KIF20A: variants seen among roughly 807,000 people sequenced by gnomAD.
KIF20A encodes the protein kinesin-like protein KIF20A.
Under a neutral mutation model 113.0 loss-of-function variants are expected in KIF20A, and 66 were observed. That is an observed-to-expected ratio of 0.58 (90% CI 0.48 to 0.72). KIF20A has a LOEUF of 0.72. Ranked by LOEUF, KIF20A falls within the 30% of genes least tolerant of loss-of-function variation. The pLI, the probability that KIF20A is intolerant of heterozygous loss-of-function variation, is 0.00. For synonymous variants in KIF20A, 376 were observed against 402.3 expected, an observed-to-expected ratio of 0.93 and a Z score of 0.78; for missense variants, 927 against 1,077.6, an observed-to-expected ratio of 0.86 and a Z score of 1.96.
In KIF20A at chr5:138,183,908, C is replaced by T; in HGVS notation, c.1209-54C>T. 1 of 1,610,408 alleles carries T rather than the reference C, an allele frequency of 6.2e-7. No homozygotes were observed. The highest frequency in any genetic ancestry group is 8.5e-7 in the Non-Finnish European group (1 of 1,177,570). On this transcript the variant is annotated intron_variant, in intron 10 of 18. Transcript: ENST00000394894. This position sits in a 1 kb window ranked among gnomAD's most constrained non-coding sequence, Gnocchi z 5.2. ...CCCTCTCCAGAATTATACAAAGGGCCAGAAGGCTCATAACATGTGAGGCCC... is the reference window on the plus strand; with the variant it reads ...CCCTCTCCAGAATTATACAAAGGGCTAGAAGGCTCATAACATGTGAGGCCC...
intron 11 of KIF20A, 53 bp downstream of exon 11, chr5:138,184,158 G>A: frequency 1.2e-6 from 2 of 1,612,004 alleles, no homozygotes; most frequent in Non-Finnish European, 1.7e-6. Context: ...GAGACTTCCT[G>A]GACACCACTG....
Position 138,184,386 on chromosome 5 carries a change from C to T in KIF20A, c.1500C>T (p.Phe500=). 6.2e-7 allele frequency: 1 copy of T among 1,614,216 alleles called. No homozygotes were observed. The highest frequency in any genetic ancestry group is 8.5e-7 in the Non-Finnish European group (1 of 1,180,036). ...TYDETLHVAK[F]SAIASQLVHA... ...ATGAAACTCTTCATGTGGCCAAGTT[C>T]TCAGCCATTGCTAGCCAGGTGAGAA... The change falls in exon 12 of 19, where the codon TTC becomes TTT. Residue 500 remains phenylalanine (F), a synonymous_variant. Coordinates refer to ENST00000394894, the MANE Select transcript of KIF20A (RefSeq NM_005733.3).
chr5:138,184,212 G>A, intron 11 of KIF20A, 27 bp from the exon 12 acceptor site: 1 of 1,613,180 alleles, frequency 6.2e-7, no homozygotes, highest in Non-Finnish European at 8.5e-7. Flanking sequence ...TCTGCTCACA[G>A]CTCTATTATC....
At chr5:138,185,321 C>T in intron 15 of KIF20A, 124 bp downstream of exon 15, 1 of 831,342 alleles carries the variant, frequency 1.2e-6, no homozygotes, top group South Asian at 1.6e-5. Context: ...TTTCTCTATT[C>T]CCCATAGTGC....
chr5:138,183,696 T>G lies in KIF20A; in HGVS notation c.1148T>G (p.Ile383Ser). The change falls in exon 10 of 19, where the codon ATC (isoleucine) becomes AGC (serine). Residue 383 changes from isoleucine to serine, a missense_variant. By Grantham distance (142) the Ile-to-Ser change is moderately radical. Coordinates refer to ENST00000394894, the MANE Select transcript of KIF20A (RefSeq NM_005733.3). The surrounding 1 kb of genome is among the most constrained non-coding windows in gnomAD (Gnocchi z 5.2). ...LNQNSSRSHSIFSIRILHLQG... is the reference protein window; with the variant it reads ...LNQNSSRSHSSFSIRILHLQG... ...TTTTTCTTAACTTCCAGTCACAGCA[T>G]CTTCTCAATCAGGATCCTACACCTT... 6.2e-7 allele frequency: 1 copy of G among 1,613,788 alleles called. No individual in the cohort carries two copies. Among genetic ancestry groups the G allele is most frequent in the Non-Finnish European group, 8.5e-7 (1 of 1,179,822 alleles).
In KIF20A at chr5:138,179,800, A is replaced by T; in HGVS notation, c.120A>T (p.Leu40=). The T allele has an allele frequency of 6.2e-7, 1 of 1,614,110 alleles. No homozygotes were observed. The highest frequency in any genetic ancestry group is 1.1e-5 in the South Asian group (1 of 91,072). ...GGTCTGTGGTACGCAAGAACCTGCT[A>T]TCAGACTGCTCTGTCGTCTCTACCT... ...DLGSVVRKNL[L]SDCSVVSTSL... The change falls in exon 2 of 19, where the codon CTA becomes CTT. Residue 40 remains leucine (L), a synonymous_variant. Transcript: ENST00000394894.
At position 138,187,128 on chromosome 5, in the gene KIF20A, G is replaced by A. The variant is rs1263691763; in HGVS notation, c.2388G>A (p.Met796Ile). 2 of 1,612,040 alleles carry A rather than the reference G, an allele frequency of 1.2e-6. No individual in the cohort carries two copies. The highest frequency in any genetic ancestry group is 8.5e-7 in the Non-Finnish European group (1 of 1,178,268). ...CTCTGGCTGAACTGCAGAACAACAT[G>A]GTGCTAGTGAAACTGGACCTTCGGA... ...DQTLAELQNN[M>I]VLVKLDLRKK... The change falls in exon 19 of 19, where the codon ATG (methionine) becomes ATA (isoleucine). Residue 796 changes from methionine to isoleucine, a missense_variant. Coordinates refer to ENST00000394894, the MANE Select transcript of KIF20A (RefSeq NM_005733.3).
chr5:138,184,499 T>C lies in KIF20A; in HGVS notation c.1519-13T>C. ...ACTTATGGAGTCAAGTAAGATATTT[T>C]TTTTCCCTCTAGCTTGTGCATGCCC... On this transcript the variant is annotated splice_polypyrimidine_tract_variant and intron_variant, in intron 12 of 18. Transcript: ENST00000394894. 2 of 1,610,874 alleles carry C rather than the reference T, an allele frequency of 1.2e-6. No homozygotes were observed. The highest frequency in any genetic ancestry group is 1.7e-6 in the Non-Finnish European group (2 of 1,177,326).
intron 5 of KIF20A, 53 bp from the exon 6 acceptor site, chr5:138,182,533 G>A (rs1581477727): frequency 1.2e-6 from 2 of 1,612,816 alleles, no homozygotes; most frequent in East Asian, 2.2e-5. Context: ...GAGACTCTGA[G>A]TTAGGGGGAG....
At chr5:138,184,440 G>A (rs773219681) in intron 12 of KIF20A, 36 bp downstream of exon 12, 4 of 1,613,122 alleles carry the variant, frequency 2.5e-6, no homozygotes, top group African/African-American at 1.3e-5. Context: ...GTGCGCACTT[G>A]GAACTGGTAA....
rs1754662493 is a variant in KIF20A at position 138,181,629 on chromosome 5, T to A, written c.276T>A (p.Asn92Lys). 6.2e-7 allele frequency: 1 copy of A among 1,614,078 alleles called. No homozygotes were observed. Among genetic ancestry groups the A allele is most frequent in the African/African-American group, 1.3e-5 (1 of 74,918 alleles). ...CTCAGGGTTGTGTCCGTATTGAGAA[T>A]GTGGAGACCCTTGTTCTACAAGCAC... ...QEDQGCVRIE[N>K]VETLVLQAPK... Residue 92 changes from asparagine to lysine, a missense_variant, in exon 4 of 19, where the codon AAT becomes AAA. By Grantham distance (94) the Asn-to-Lys change is moderately conservative. Coordinates refer to ENST00000394894, the MANE Select transcript of KIF20A (RefSeq NM_005733.3).
At position 138,187,143 on chromosome 5, in the gene KIF20A, G is replaced by A; in HGVS notation, c.2403G>A (p.Leu801=). 6.2e-7 allele frequency: 1 copy of A among 1,613,692 alleles called. No individual in the cohort carries two copies. Among genetic ancestry groups the A allele is most frequent in the Non-Finnish European group, 8.5e-7 (1 of 1,179,628 alleles). ...ELQNNMVLVK[L]DLRKKAACIA... Reference sequence around the variant, plus strand: ...AGAACAACATGGTGCTAGTGAAACTGGACCTTCGGAAGAAGGCAGCATGTA... The same window carrying A: ...AGAACAACATGGTGCTAGTGAAACTAGACCTTCGGAAGAAGGCAGCATGTA... Residue 801 remains leucine, a synonymous_variant, in exon 19 of 19, where the codon CTG becomes CTA. Coordinates refer to ENST00000394894, the MANE Select transcript of KIF20A (RefSeq NM_005733.3).
At position 138,182,683 on chromosome 5, in the gene KIF20A, G is replaced by C; in HGVS notation, c.612G>C (p.Leu204Phe). ...ATCCAACACCTGATCTGAAGCCCTT[G>C]CTCTCCAATGAGGTAATCTGGCTAG... ...QLHPTPDLKPLLSNEVIWLDS... is the reference protein window; with the variant it reads ...QLHPTPDLKPFLSNEVIWLDS... Residue 204 changes from leucine to phenylalanine, a missense_variant, in exon 6 of 19, where the codon TTG becomes TTC. Leu to Phe is a conservative substitution (Grantham distance 22, BLOSUM62 0). Transcript: ENST00000394894. The C allele has an allele frequency of 6.2e-7, 1 of 1,614,114 alleles. No individual in the cohort carries two copies. Among genetic ancestry groups the C allele is most frequent in the Non-Finnish European group, 8.5e-7 (1 of 1,180,030 alleles).
chr5:138,180,104 T>G (rs1427475567), intron 2 of KIF20A, among the ~76,000 whole-genome samples: 1 of 152,240 alleles, frequency 6.6e-6, no homozygotes, highest in Non-Finnish European at 1.5e-5. Flanking sequence ...CTCAAATGCA[T>G]GCTCTTAGTT....
chr5:138,182,849 G>A lies in KIF20A; in HGVS notation c.703-12G>A, dbSNP rs1561629122. 5 of 1,614,036 alleles carry A rather than the reference G, an allele frequency of 3.1e-6. No individual in the cohort carries two copies. Among genetic ancestry groups the A allele is most frequent in the Non-Finnish European group, 4.2e-6 (5 of 1,179,952 alleles). On this transcript the variant is annotated splice_polypyrimidine_tract_variant and intron_variant, in intron 6 of 18. Coordinates refer to ENST00000394894, the MANE Select transcript of KIF20A (RefSeq NM_005733.3). ...GAAGTTTTGTGCTTACCTTCTCCCT[G>A]TGCCCCTCCAGGAGGAGCTGTCCAC...
intron 2 of KIF20A, among the ~76,000 whole-genome samples, 162 bp from the exon 3 acceptor site, chr5:138,181,260 A>T (rs1248174166): frequency 6.6e-6 from 1 of 152,252 alleles, no homozygotes; most frequent in East Asian, 1.9e-4. Flanking sequence ...AAAAATGTCC[A>T]TGTGGGTTGG....
In KIF20A at chr5:138,179,778, C is replaced by CT. The variant is rs1432383728; in HGVS notation, c.99dup (p.Val34CysfsTer26). ...GAGTCCACAGCTGCAGATTTGGGGT[C>CT]TGTGGTACGCAAGAACCTGCTATCA... On this transcript the variant is annotated frameshift_variant, in exon 2 of 19. Coordinates refer to ENST00000394894, the MANE Select transcript of KIF20A (RefSeq NM_005733.3). LOFTEE classifies it high-confidence loss of function. The CT allele has an allele frequency of 6.2e-7, 1 of 1,614,090 alleles. No individual in the cohort carries two copies. Among genetic ancestry groups the CT allele is most frequent in the Admixed American group, 1.7e-5 (1 of 59,994 alleles).
intron 18 of KIF20A, 40 bp downstream of exon 18, chr5:138,186,471 C>G (rs1168558157): frequency 6.3e-7 from 1 of 1,591,362 alleles, no homozygotes. Flanking sequence ...CCTACCAGCC[C>G]ACTCCAGTGT....
At chr5:138,186,114 CTCTA>C in intron 17 of KIF20A, 62 bp downstream of exon 17, 1 of 1,519,666 alleles carries the variant, frequency 6.6e-7, no homozygotes, top group African/African-American at 1.4e-5. Flanking sequence ...ACATCCAACA[CTCTA>C]TCACTGGTTC....
Sources: gnomAD v4.1 joint callset for allele counts (sites outside exome capture counted in the v4.1 genomes callset) on GRCh38, gnomAD v4.1.1 for gene constraint, Gnocchi (gnomAD v3.1) non-coding constraint, MANE v1.5 for transcripts, NCBI Gene and HGNC (gene_info 2026-07-23, HGNC 2026-07-21) for gene names.